Variants in NDUFAF2 observed in about 807,000 individuals in gnomAD.
NDUFAF2 encodes the protein NADH dehydrogenase [ubiquinone] 1 alpha subcomplex assembly factor 2.
In NDUFAF2, 13 loss-of-function variants were observed where a neutral mutation model predicts 22.8. The ratio of observed to expected loss-of-function variants is 0.57; its 90% confidence interval spans 0.37 to 0.91. The LOEUF (loss-of-function observed/expected upper bound fraction) is 0.91, where lower values mean the gene tolerates loss of function less well. Among genes scored for constraint, NDUFAF2 ranks in the 40% least tolerant of loss-of-function variants. The pLI is 0.01. For synonymous variants in NDUFAF2, 53 were observed against 64.2 expected (o/e 0.83, Z 0.84); for missense variants, 162 against 195.2 (o/e 0.83, Z 1.01).
At chr5:61,040,284 A>ACC (rs1297710611) in intron 1 of NDUFAF2, among the ~76,000 whole-genome samples, 23 of 87,220 alleles carry the variant, frequency 2.6e-4, no homozygotes, top group Admixed American at 2.5e-3. Context: ...ACACACACAC[A>ACC]CACGCGCGCG....
chr5:61,017,931 T>C (rs921687039), intron 1 of NDUFAF2, among the ~76,000 whole-genome samples: 2 of 152,072 alleles, frequency 1.3e-5, no homozygotes, highest in Non-Finnish European at 2.9e-5. Context: ...TTTGTATTTT[T>C]AGTAGAGATG....
At chr5:61,101,168 C>T (rs1367695585) in intron 3 of NDUFAF2, among the ~76,000 whole-genome samples, 5 of 151,838 alleles carry the variant, frequency 3.3e-5, no homozygotes, top group East Asian at 1.9e-4. Flanking sequence ...ATTTATAAAC[C>T]GTAACAAAAA....
At chr5:61,099,563 T>A (rs2111768103) in intron 3 of NDUFAF2, among the ~76,000 whole-genome samples, 1 of 151,624 alleles carries the variant, frequency 6.6e-6, no homozygotes, top group South Asian at 2.1e-4. Flanking sequence ...AACTAAAAAA[T>A]TTGTAGTCAG....
At chr5:61,077,858 T>G (rs961331497) in intron 2 of NDUFAF2, among the ~76,000 whole-genome samples, 4 of 152,214 alleles carry the variant, frequency 2.6e-5, no homozygotes, top group Non-Finnish European at 4.4e-5. Context: ...ATTGTGTAAA[T>G]TCTCTTCTAA....
At chr5:61,093,697 A>G (rs1752600272) in intron 2 of NDUFAF2, among the ~76,000 whole-genome samples, 1 of 152,212 alleles carries the variant, frequency 6.6e-6, no homozygotes, top group Non-Finnish European at 1.5e-5. Context: ...GACATTCATC[A>G]AGGATATTGG....
intron 1 of NDUFAF2, among the ~76,000 whole-genome samples, chr5:60,952,539 G>A (rs1172571235): frequency 6.6e-6 from 1 of 151,918 alleles, no homozygotes; most frequent in Admixed American, 6.6e-5. Flanking sequence ...ATTATATTCA[G>A]AGAACATATT....
At chr5:60,996,092 AG>A (rs1212778087) in intron 1 of NDUFAF2, among the ~76,000 whole-genome samples, 1 of 152,068 alleles carries the variant, frequency 6.6e-6, no homozygotes, top group African/African-American at 2.4e-5. Context: ...CCAAGAGCCA[AG>A]TCATAGAACT....
At chr5:60,999,729 G>A (rs955113637) in intron 1 of NDUFAF2, among the ~76,000 whole-genome samples, 1 of 152,026 alleles carries the variant, frequency 6.6e-6, no homozygotes, top group African/African-American at 2.4e-5. Flanking sequence ...AAGTTTTTAA[G>A]AAAGAATAAC....
At chr5:61,048,607 G>A (rs1751984821) in intron 1 of NDUFAF2, among the ~76,000 whole-genome samples, 1 of 152,074 alleles carries the variant, frequency 6.6e-6, no homozygotes, top group Non-Finnish European at 1.5e-5. Context: ...TATCTCCCAG[G>A]CAGCTTTCTT....
chr5:61,073,218 A>G lies in NDUFAF2; in HGVS notation c.217+4A>G, dbSNP rs954155977. 1 of 1,602,202 alleles carries G rather than the reference A, an allele frequency of 6.2e-7. No homozygotes were observed. Among genetic ancestry groups the G allele is most frequent in the Non-Finnish European group, 8.6e-7 (1 of 1,169,372 alleles). On this transcript the variant is annotated splice_donor_region_variant and intron_variant, in intron 2 of 3. Transcript: ENST00000296597. ...GATATTCCAACAGAATGGGAAGGTAAGTTTCTGCTTTTAGTAGAATCTCAT... is the reference window on the plus strand; with the variant it reads ...GATATTCCAACAGAATGGGAAGGTAGGTTTCTGCTTTTAGTAGAATCTCAT...
At chr5:61,095,869 GTTGTTT>G (rs1016007886) in intron 2 of NDUFAF2, among the ~76,000 whole-genome samples, 6 of 152,178 alleles carry the variant, frequency 3.9e-5, no homozygotes, top group African/African-American at 7.2e-5. Context: ...CAGGGGTCGA[GTTGTTT>G]CCTTGATTAG....
intron 1 of NDUFAF2, among the ~76,000 whole-genome samples, chr5:60,946,176 C>G (rs1477601917): frequency 1.3e-5 from 2 of 152,116 alleles, no homozygotes; most frequent in Non-Finnish European, 2.9e-5. Flanking sequence ...CTGTGTTGTT[C>G]CATCGCCGCA....
chr5:61,034,606 T>G (rs769972931), intron 1 of NDUFAF2, among the ~76,000 whole-genome samples: 2 of 152,176 alleles, frequency 1.3e-5, no homozygotes, highest in African/African-American at 2.4e-5. Flanking sequence ...TAAAGAAATG[T>G]GATGGCAGCA....
intron 2 of NDUFAF2, among the ~76,000 whole-genome samples, chr5:61,084,368 C>T (rs1407283951): frequency 6.9e-6 from 1 of 145,884 alleles, no homozygotes; most frequent in South Asian, 2.1e-4. Flanking sequence ...AGTTCAGTGG[C>T]TGTAGGTACA....
chr5:61,075,513 G>A (rs1197333438), intron 2 of NDUFAF2, among the ~76,000 whole-genome samples: 1 of 152,008 alleles, frequency 6.6e-6, no homozygotes, highest in Non-Finnish European at 1.5e-5. Context: ...GAATGAGTTT[G>A]TTTTTATCAT....
At chr5:61,094,973 T>C (rs1752620139) in intron 2 of NDUFAF2, among the ~76,000 whole-genome samples, 2 of 152,216 alleles carry the variant, frequency 1.3e-5, no homozygotes, top group Non-Finnish European at 2.9e-5. Flanking sequence ...AGAAGCAGTC[T>C]AGCTATGCTT....
chr5:61,076,988 G>A (rs1752379006), intron 2 of NDUFAF2, among the ~76,000 whole-genome samples: 1 of 152,182 alleles, frequency 6.6e-6, no homozygotes. Context: ...AGGAGTTGCT[G>A]TTAACTGACA....
chr5:61,030,336 T>C (rs1266264853), intron 1 of NDUFAF2, among the ~76,000 whole-genome samples: 1 of 152,100 alleles, frequency 6.6e-6, no homozygotes, highest in African/African-American at 2.4e-5. Flanking sequence ...CCTTATCAGC[T>C]CTTTAAACTA....
chr5:60,948,547 T>G (rs1461132336), intron 1 of NDUFAF2, among the ~76,000 whole-genome samples: 2 of 122,682 alleles, frequency 1.6e-5, no homozygotes, highest in Non-Finnish European at 3.5e-5. Flanking sequence ...CAGCACATAT[T>G]CTGCTTTTTT....
Sources: allele counts gnomAD v4.1 joint callset (sites outside exome capture counted in the v4.1 genomes callset), GRCh38; gene constraint gnomAD v4.1.1; transcripts MANE v1.5; gene names NCBI Gene and HGNC (gene_info 2026-07-23, HGNC 2026-07-21).